ATXN1: variants seen among roughly 807,000 people sequenced by gnomAD.
ATXN1 encodes ataxin-1.
ATXN1 carries 8 observed loss-of-function variants against 56.4 expected under a neutral mutation model. The observed-to-expected ratio is 0.14, with a 90% CI of 0.08 to 0.26. The LOEUF (loss-of-function observed/expected upper bound fraction) is 0.26. Ranked by LOEUF, ATXN1 falls within the 10% of genes least tolerant of loss-of-function variation. The pLI is 1.00. For missense variants in ATXN1, 987 were observed against 1,106.5 expected, an observed-to-expected ratio of 0.89 and a Z score of 1.53; for synonymous variants, 514 against 494.6, an observed-to-expected ratio of 1.04 and a Z score of -0.52.
At chr6:16,693,279 G>C (rs1271290676) in intron 2 of ATXN1, among the ~76,000 whole-genome samples, 1 of 152,172 alleles carries the variant, frequency 6.6e-6, no homozygotes, top group Non-Finnish European at 1.5e-5. Flanking sequence ...TTGATCTACT[G>C]TATGAGCTTA....
At chr6:16,743,660 T>C (rs945070370) in intron 2 of ATXN1, among the ~76,000 whole-genome samples, 10 of 152,254 alleles carry the variant, frequency 6.6e-5, no homozygotes, top group African/African-American at 2.4e-4. Context: ...TGGGGTGCTA[T>C]GGGAACCCAG....
intron 2 of ATXN1, among the ~76,000 whole-genome samples, chr6:16,725,059 G>A (rs545518546): frequency 4.4e-4 from 67 of 152,254 alleles, no homozygotes; most frequent in African/African-American, 1.5e-3. Flanking sequence ...AGAGAAGGCA[G>A]GTCAGATGAC....
intron 3 of ATXN1, among the ~76,000 whole-genome samples, chr6:16,590,688 G>C (rs1261553523): frequency 2.0e-5 from 3 of 147,128 alleles, no homozygotes; most frequent in Non-Finnish European, 4.5e-5. Flanking sequence ...TTTTTTCTTT[G>C]AGACAAGTTC....
intron 4 of ATXN1, among the ~76,000 whole-genome samples, chr6:16,579,809 T>G (rs1038466410): frequency 6.6e-6 from 1 of 152,088 alleles, no homozygotes; most frequent in Non-Finnish European, 1.5e-5. Context: ...CAGGTTTATA[T>G]GTATACAATT....
chr6:16,630,752 A>C (rs539889958), intron 3 of ATXN1, among the ~76,000 whole-genome samples: 1 of 152,360 alleles, frequency 6.6e-6, no homozygotes, highest in East Asian at 1.9e-4. Flanking sequence ...ACTTGTCAGA[A>C]GATATTAAGA....
In ATXN1 at chr6:16,341,519, T is replaced by TA. The variant is rs1218792244; in HGVS notation, c.-160-13050_-160-13049insT. On this transcript the variant is annotated intron_variant, in intron 6 of 7. Coordinates refer to ENST00000436367, the MANE Select transcript of ATXN1 (RefSeq NM_001128164.2). ...GAGAACCTCTGGTATAGAGGATTTT[T>TA]TTTTTTTTTTTTTTTTTGAGACAGA... is the stretch of plus-strand genomic sequence containing the variant. 2.0e-5 allele frequency among the ~76,000 whole-genome samples: 3 copies of TA among 148,466 alleles called. No individual in the cohort carries two copies. In the South Asian group the frequency reaches 6.6e-4, roughly 32 times the overall value.
At chr6:16,400,258 C>G (rs551926188) in intron 6 of ATXN1, among the ~76,000 whole-genome samples, 1 of 152,304 alleles carries the variant, frequency 6.6e-6, no homozygotes, top group South Asian at 2.1e-4. Context: ...TCAGCCTTTC[C>G]TCAGAACATT....
At chr6:16,640,337 A>C (rs1763685178) in intron 3 of ATXN1, among the ~76,000 whole-genome samples, 1 of 152,208 alleles carries the variant, frequency 6.6e-6, no homozygotes, top group Non-Finnish European at 1.5e-5. Flanking sequence ...TGCTACAAAG[A>C]CTGGCTGTTC....
intron 1 of ATXN1, 196 bp downstream of exon 1, chr6:16,761,102 C>T (rs891682549): frequency 1.9e-5 from 7 of 365,128 alleles, no homozygotes; most frequent in African/African-American, 1.1e-4. Context: ...ACACACAGAA[C>T]ACGACGCGTC....
chr6:16,410,712 A>G lies in ATXN1; in HGVS notation c.-161+75260T>C, dbSNP rs1246066538. On this transcript the variant is annotated intron_variant, in intron 6 of 7. Transcript: ENST00000436367. The surrounding 1 kb of genome is among the most constrained non-coding windows in gnomAD (Gnocchi z 4.6). ...GCCTCCAATGAACTACAAGCTTGTC[A>G]GAATTACATCTATTCAGGTCATATA... 6.6e-6 allele frequency among the ~76,000 whole-genome samples: 1 copy of G among 152,246 alleles called. No individual in the cohort carries two copies. Among genetic ancestry groups the G allele is most frequent in the Non-Finnish European group, 1.5e-5 (1 of 68,044 alleles).
intron 6 of ATXN1, among the ~76,000 whole-genome samples, chr6:16,412,899 G>A (rs73724863): frequency 0.015 from 2,218 of 152,336 alleles, 53 homozygotes; most frequent in African/African-American, 0.05. Flanking sequence ...TGGCCATGCC[G>A]TGGGGGCTGT....
At chr6:16,427,594 G>A (rs1318422890) in intron 6 of ATXN1, among the ~76,000 whole-genome samples, 2 of 152,170 alleles carry the variant, frequency 1.3e-5, no homozygotes, top group African/African-American at 4.8e-5. Flanking sequence ...TGCCTGATTT[G>A]TTGTAAATGC....
chr6:16,308,985 G>A (rs1760322057), intron 7 of ATXN1, among the ~76,000 whole-genome samples: 1 of 152,002 alleles, frequency 6.6e-6, no homozygotes, highest in Admixed American at 6.6e-5. Flanking sequence ...TCAGTACTTT[G>A]GGAGGCTGAG....
rs1229399953 is a variant in ATXN1, at chr6:16,313,608, G to A, written c.1918-6749C>T. Among the ~76,000 whole-genome samples, 3 of 151,136 alleles carry A rather than the reference G, an allele frequency of 2.0e-5. No homozygotes were observed. The South Asian group carries it at 6.3e-4, about 32-fold the overall frequency. On this transcript the variant is annotated intron_variant, in intron 7 of 7. Coordinates refer to ENST00000436367, the MANE Select transcript of ATXN1 (RefSeq NM_001128164.2). ...GTCTCGCTCTGTCACCCAGGTTGGAGTGCAGTGGCACCATCTCAGCTCACT... is the reference window on the plus strand; with the variant it reads ...GTCTCGCTCTGTCACCCAGGTTGGAATGCAGTGGCACCATCTCAGCTCACT...
chr6:16,480,923 T>C (rs1251114579), intron 6 of ATXN1, among the ~76,000 whole-genome samples: 1 of 152,158 alleles, frequency 6.6e-6, no homozygotes, highest in Non-Finnish European at 1.5e-5. Flanking sequence ...GAGGTAGCTC[T>C]GACACCACTT....
intron 6 of ATXN1, among the ~76,000 whole-genome samples, chr6:16,460,489 T>C (rs993198568): frequency 6.6e-5 from 10 of 152,146 alleles, no homozygotes; most frequent in African/African-American, 2.4e-4. Context: ...ATGATGTAAA[T>C]GGCATACCAG....
At chr6:16,323,214 C>A (rs934307926) in intron 7 of ATXN1, among the ~76,000 whole-genome samples, 1 of 152,088 alleles carries the variant, frequency 6.6e-6, no homozygotes, top group African/African-American at 2.4e-5. Flanking sequence ...ATCTTCCTCC[C>A]CAAGAACAGA....
chr6:16,352,024 G>A (rs1312065897), intron 6 of ATXN1, among the ~76,000 whole-genome samples: 1 of 152,198 alleles, frequency 6.6e-6, no homozygotes, highest in Non-Finnish European at 1.5e-5. Flanking sequence ...GTAGATAAAT[G>A]CATCCCTTCA....
chr6:16,567,698 T>A (rs1762254873), intron 4 of ATXN1, among the ~76,000 whole-genome samples: 1 of 151,878 alleles, frequency 6.6e-6, no homozygotes, highest in African/African-American at 2.4e-5. Context: ...AGAAGGCATA[T>A]CTCCAGGACC....
Sources: allele counts gnomAD v4.1 joint callset (sites outside exome capture counted in the v4.1 genomes callset), GRCh38; gene constraint gnomAD v4.1.1; non-coding constraint Gnocchi (gnomAD v3.1); transcripts MANE v1.5; gene names NCBI Gene and HGNC (gene_info 2026-07-23, HGNC 2026-07-21).